Variants in RAB11FIP3 observed in about 807,000 individuals in gnomAD.
The protein encoded by RAB11FIP3 is rab11 family-interacting protein 3.
A neutral mutation model predicts 77.8 loss-of-function variants in RAB11FIP3; 17 were observed. The observed-to-expected ratio is 0.22, with a 90% CI of 0.15 to 0.33. The LOEUF (loss-of-function observed/expected upper bound fraction) is 0.33. Ranked by LOEUF, RAB11FIP3 falls within the 10% of genes least tolerant of loss-of-function variation. The probability of loss-of-function intolerance (pLI) is 1.00; values close to 1 mark genes in which losing one functional copy is unlikely to be tolerated. For synonymous variants in RAB11FIP3, 437 were observed against 448.2 expected (o/e 0.98, Z 0.31); for missense variants, 1,005 against 1,011.2 (o/e 0.99, Z 0.08).
intron 3 of RAB11FIP3, among the ~76,000 whole-genome samples, chr16:480,084 C>T (rs2056004202): frequency 1.3e-5 from 2 of 151,920 alleles, no homozygotes; most frequent in Non-Finnish European, 2.9e-5. Context: ...GTTAGGAGTT[C>T]GAGACTGGCC....
chr16:431,450 G>A (rs933843153), intron 1 of RAB11FIP3, among the ~76,000 whole-genome samples: 1 of 151,270 alleles, frequency 6.6e-6, no homozygotes, highest in Non-Finnish European at 1.5e-5. Flanking sequence ...CACAATCTCA[G>A]TTCACTGCAA....
intron 1 of RAB11FIP3, among the ~76,000 whole-genome samples, chr16:456,539 T>A (rs1351058234): frequency 6.6e-6 from 1 of 151,956 alleles, no homozygotes; most frequent in African/African-American, 2.4e-5. Flanking sequence ...GCAGATCACT[T>A]GGGGTCAGGA....
In RAB11FIP3 at chr16:425,695, G is replaced by T; in HGVS notation, c.-312G>T. The T allele has an allele frequency of 3.7e-6, 1 of 272,954 alleles. No homozygotes were observed. Among genetic ancestry groups the T allele is most frequent in the Non-Finnish European group, 6.9e-6 (1 of 144,772 alleles). The allele number at this position is 272,954 out of a possible 1,614,324, so 16.9% of individuals were successfully genotyped here. The stretch of plus-strand genomic sequence containing the variant: ...CTGCTTCACAGGCTCCGCGGCCTCC[G>T]GCCTCCTCGGCCCCCGTCCCCCGGC... On this transcript the variant is annotated 5_prime_UTR_variant, in exon 1 of 14. Transcript: ENST00000262305.
rs555005269 is a variant in RAB11FIP3, at chr16:462,478, G to A, written c.808+981G>A. On this transcript the variant is annotated intron_variant, in intron 2 of 13. Coordinates refer to ENST00000262305, the MANE Select transcript of RAB11FIP3 (RefSeq NM_014700.4). ...TTGAACTCCTGACCTCAGGTGATCCGCCTGCCTCAGCCTCCCAAGGCTGAG... is the reference window on the plus strand; with the variant it reads ...TTGAACTCCTGACCTCAGGTGATCCACCTGCCTCAGCCTCCCAAGGCTGAG... 2.6e-5 allele frequency among the ~76,000 whole-genome samples: 4 copies of A among 152,148 alleles called. No homozygotes were observed. In the South Asian group the frequency reaches 6.2e-4, roughly 24 times the overall value.
At chr16:495,409 C>T (rs2031034203) in intron 5 of RAB11FIP3, among the ~76,000 whole-genome samples, 1 of 152,230 alleles carries the variant, frequency 6.6e-6, no homozygotes, top group South Asian at 2.1e-4. Flanking sequence ...GAAAGCTATT[C>T]TGTTGCAGGA....
Position 472,241 on chromosome 16 carries a change from C to A in RAB11FIP3, c.903+852C>A, listed in dbSNP as rs1035677280. On this transcript the variant is annotated intron_variant, in intron 3 of 13. Coordinates refer to ENST00000262305, the MANE Select transcript of RAB11FIP3 (RefSeq NM_014700.4). This position sits in a 1 kb window ranked among gnomAD's most constrained non-coding sequence, Gnocchi z 4.1. Reference sequence around the variant, plus strand: ...CTCAGTTCCCTGTTCCGAGAAGCTGCCCCAGGGATTAGTCACCCTCACCCT... The same window carrying A: ...CTCAGTTCCCTGTTCCGAGAAGCTGACCCAGGGATTAGTCACCCTCACCCT... 2.6e-5 allele frequency among the ~76,000 whole-genome samples: 4 copies of A among 152,324 alleles called. No homozygotes were observed. Among genetic ancestry groups the A allele is most frequent in the African/African-American group, 9.6e-5 (4 of 41,586 alleles).
intron 1 of RAB11FIP3, among the ~76,000 whole-genome samples, chr16:460,128 C>G (rs1322769108): frequency 6.6e-6 from 1 of 152,024 alleles, no homozygotes; most frequent in African/African-American, 2.4e-5. Flanking sequence ...CCACTCACCT[C>G]GGTTTCTCAC....
intron 7 of RAB11FIP3, 152 bp downstream of exon 7, chr16:503,249 G>C (rs866802241): frequency 4.7e-5 from 29 of 614,092 alleles, no homozygotes; most frequent in Non-Finnish European, 7.5e-5. Context: ...ATCCAGCCCC[G>C]ATGCTCTTTG....
chr16:448,628 C>T (rs1300357550), intron 1 of RAB11FIP3, among the ~76,000 whole-genome samples: 7 of 148,672 alleles, frequency 4.7e-5, no homozygotes, highest in African/African-American at 1.2e-4. Flanking sequence ...CCCAGCTACT[C>T]GGGAGGCTGA....
At chr16:510,097 C>G (rs568277193) in intron 8 of RAB11FIP3, among the ~76,000 whole-genome samples, 26 of 149,540 alleles carry the variant, frequency 1.7e-4, no homozygotes, top group African/African-American at 6.3e-4. Context: ...CCTCCACGCC[C>G]CGTCCCGAGT....
At chr16:463,247 T>G (rs1432398572) in intron 2 of RAB11FIP3, among the ~76,000 whole-genome samples, 1 of 152,042 alleles carries the variant, frequency 6.6e-6, no homozygotes, top group Non-Finnish European at 1.5e-5. Context: ...GCAGGATAAG[T>G]AGACCTTGGC....
At chr16:513,501 TTTG>T (rs1022088502) in intron 9 of RAB11FIP3, among the ~76,000 whole-genome samples, 18 of 152,292 alleles carry the variant, frequency 1.2e-4, no homozygotes, top group Admixed American at 5.9e-4. Context: ...GTTGGGATTT[TTTG>T]TTGTTGTTGT....
Position 496,810 on chromosome 16 carries a change from T to C in RAB11FIP3, c.1266-14T>C, listed in dbSNP as rs762596575. On this transcript the variant is annotated splice_polypyrimidine_tract_variant and intron_variant, in intron 5 of 13. Transcript: ENST00000262305. Reference sequence around the variant, plus strand: ...GTTCTAACAATTTTCCTGTTTATTTTGTTTTCTGCACAGTCCGACAAAGCG... The same window carrying C: ...GTTCTAACAATTTTCCTGTTTATTTCGTTTTCTGCACAGTCCGACAAAGCG... 1.9e-6 allele frequency: 3 copies of C among 1,583,670 alleles called. No homozygotes were observed. The highest frequency in any genetic ancestry group is 2.6e-6 in the Non-Finnish European group (3 of 1,152,764).
rs746315244 is a variant in RAB11FIP3 at position 510,645 on chromosome 16, C to T, written c.1500-15C>T. On this transcript the variant is annotated splice_polypyrimidine_tract_variant and intron_variant, in intron 8 of 13. Transcript: ENST00000262305. ...CTGCCTGGAGACAGCTCAGCTCCTC[C>T]CTTTGCCTTTCAAGAGCAAACGCCC... 4.4e-6 allele frequency: 7 copies of T among 1,588,220 alleles called. 1 individual carries two copies. The Admixed American group carries it at 8.9e-5, about 20-fold the overall frequency.
At chr16:482,232 T>G in intron 3 of RAB11FIP3, 1 of 540,502 alleles carries the variant, frequency 1.9e-6, no homozygotes, top group Non-Finnish European at 3.5e-6. Context: ...AAGTTTTGTA[T>G]TTTTGGTAGA....
At chr16:453,195 C>T (rs1208308632) in intron 1 of RAB11FIP3, among the ~76,000 whole-genome samples, 1 of 150,644 alleles carries the variant, frequency 6.6e-6, no homozygotes, top group East Asian at 2.0e-4. Context: ...GTGCCTCAGC[C>T]TTCTGAGTCG....
At chr16:483,983 T>C (rs760312588) in intron 4 of RAB11FIP3, among the ~76,000 whole-genome samples, 2 of 152,122 alleles carry the variant, frequency 1.3e-5, no homozygotes, top group Non-Finnish European at 2.9e-5. Flanking sequence ...CTCCCCAAGA[T>C]GCATAAACCC....
chr16:456,763 AAACAAAAAAACC>A (rs902779040), intron 1 of RAB11FIP3, among the ~76,000 whole-genome samples: 5 of 152,220 alleles, frequency 3.3e-5, no homozygotes, highest in Non-Finnish European at 5.9e-5. Context: ...TCTCAACAAC[AAACAAAAAAACC>A]AACAAAAAAA....
intron 1 of RAB11FIP3, among the ~76,000 whole-genome samples, chr16:442,701 T>G (rs2055247427): frequency 6.6e-6 from 1 of 152,188 alleles, no homozygotes; most frequent in South Asian, 2.1e-4. Context: ...AGGTATGTTG[T>G]GTCTTCGTGG....
Sources: allele counts gnomAD v4.1 joint callset (sites outside exome capture counted in the v4.1 genomes callset), GRCh38; gene constraint gnomAD v4.1.1; non-coding constraint Gnocchi (gnomAD v3.1); transcripts MANE v1.5; gene names NCBI Gene and HGNC (gene_info 2026-07-23, HGNC 2026-07-21).